The following NRXN3 variants were observed in gnomAD, a reference collection of about 807,000 sequenced individuals.
NRXN3 encodes neurexin III.
In NRXN3, 32 loss-of-function variants were observed where a neutral mutation model predicts 137.6. That is an observed-to-expected ratio of 0.23 (90% CI 0.18 to 0.31). The LOEUF is 0.31. Among genes scored for constraint, NRXN3 ranks in the 10% least tolerant of loss-of-function variants. The probability of loss-of-function intolerance (pLI) is 1.00; values close to 1 mark genes in which losing one functional copy is unlikely to be tolerated. For missense variants in NRXN3, 1,574 were observed against 2,062.5 expected, an observed-to-expected ratio of 0.76 and a Z score of 4.59; for synonymous variants, 798 against 784.5, an observed-to-expected ratio of 1.02 and a Z score of -0.29.
intron 15 of NRXN3, among the ~76,000 whole-genome samples, chr14:79,323,976 A>G (rs1232508850): frequency 6.6e-6 from 1 of 152,242 alleles, no homozygotes; most frequent in East Asian, 1.9e-4. Context: ...GTAAATACCT[A>G]TATTATTTCT....
At chr14:79,125,275 C>T (rs1265694060) in intron 15 of NRXN3, among the ~76,000 whole-genome samples, 1 of 152,146 alleles carries the variant, frequency 6.6e-6, no homozygotes, top group African/African-American at 2.4e-5. Context: ...TTTCTTAGCA[C>T]TTATTAGTGT....
At chr14:79,696,224 T>C (rs1453181213) in intron 18 of NRXN3, among the ~76,000 whole-genome samples, 1 of 152,022 alleles carries the variant, frequency 6.6e-6, no homozygotes, top group African/African-American at 2.4e-5. Context: ...GGTAGATTTT[T>C]AAAGCCCAAA....
rs79123726 is a variant in NRXN3 at position 79,413,332 on chromosome 14, G to A, written c.3263-53889G>A. 9.1e-3 allele frequency among the ~76,000 whole-genome samples: 1,387 copies of A among 152,162 alleles called. 34 individuals carry two copies. The East Asian group carries it at 0.099, about 11-fold the overall frequency. ...TGGAGGCTGCACAAGTAAATTACAT[G>A]GTTTTAGAAGCACCTCCTCCTTCCA... On this transcript the variant is annotated intron_variant, in intron 15 of 20. Transcript: ENST00000335750.
At chr14:79,051,479 C>A (rs1397869833) in intron 15 of NRXN3, among the ~76,000 whole-genome samples, 1 of 152,138 alleles carries the variant, frequency 6.6e-6, no homozygotes, top group African/African-American at 2.4e-5. Flanking sequence ...GGGACTGCGG[C>A]AATGTTGTAA....
intron 4 of NRXN3, among the ~76,000 whole-genome samples, chr14:78,308,816 C>G (rs577585385): frequency 2.6e-4 from 39 of 152,200 alleles, no homozygotes; most frequent in African/African-American, 8.9e-4. Context: ...AGAAAAGTCT[C>G]TCAACCCATT....
At chr14:79,857,261 G>T (rs1014916135) in intron 20 of NRXN3, among the ~76,000 whole-genome samples, 1 of 151,926 alleles carries the variant, frequency 6.6e-6, no homozygotes, top group South Asian at 2.1e-4. Context: ...TCGCTCTGTC[G>T]CCCAGGCTGG....
At chr14:78,914,302 A>G (rs1176169989) in intron 10 of NRXN3, among the ~76,000 whole-genome samples, 1 of 152,228 alleles carries the variant, frequency 6.6e-6, no homozygotes, top group Non-Finnish European at 1.5e-5. Context: ...CTGAGGGTAT[A>G]ACTATGAACA....
chr14:79,448,241 G>T (rs1343903713), intron 15 of NRXN3, among the ~76,000 whole-genome samples: 2 of 152,072 alleles, frequency 1.3e-5, no homozygotes, highest in Admixed American at 6.6e-5. Context: ...GAAGACATGG[G>T]GCATTCTCCC....
rs1259074052 is a variant in NRXN3, at chr14:79,599,982, G to A, written c.3445-63796G>A. On this transcript the variant is annotated intron_variant, in intron 16 of 20. Coordinates refer to ENST00000335750, the MANE Select transcript of NRXN3 (RefSeq NM_001330195.2). ...TGCACTCCAGCCTAGGCAACAGAGTGAGAATCTGTCTCAAAAAATTAAATA... is the reference window on the plus strand; with the variant it reads ...TGCACTCCAGCCTAGGCAACAGAGTAAGAATCTGTCTCAAAAAATTAAATA... Among the ~76,000 whole-genome samples, 4 of 152,200 alleles carry A rather than the reference G, an allele frequency of 2.6e-5. No individual in the cohort carries two copies. The East Asian group carries it at 5.8e-4, about 22-fold the overall frequency.
chr14:79,183,505 G>C (rs1745167556), intron 15 of NRXN3, among the ~76,000 whole-genome samples: 1 of 152,182 alleles, frequency 6.6e-6, no homozygotes, highest in Admixed American at 6.5e-5. Flanking sequence ...CAAATGCTCA[G>C]TAAACATGAG....
chr14:78,721,343 T>G (rs1201064824), intron 8 of NRXN3, among the ~76,000 whole-genome samples: 1 of 152,206 alleles, frequency 6.6e-6, no homozygotes, highest in African/African-American at 2.4e-5. Flanking sequence ...TTTAAATGTC[T>G]GACCTGGAGA....
intron 4 of NRXN3, among the ~76,000 whole-genome samples, chr14:78,441,816 G>A (rs1045370259): frequency 6.6e-6 from 1 of 152,188 alleles, no homozygotes; most frequent in African/African-American, 2.4e-5. Flanking sequence ...GAAATACATA[G>A]CTGGGTGCAG....
intron 15 of NRXN3, among the ~76,000 whole-genome samples, chr14:79,210,892 A>G (rs373864249): frequency 3.0e-4 from 46 of 152,160 alleles, no homozygotes; most frequent in African/African-American, 1.1e-3. Flanking sequence ...GCTTAGAGAA[A>G]CACAGGGCTC....
chr14:79,190,730 T>C (rs2064178872), intron 15 of NRXN3, among the ~76,000 whole-genome samples: 1 of 152,144 alleles, frequency 6.6e-6, no homozygotes, highest in African/African-American at 2.4e-5. Flanking sequence ...AATCTCTTGG[T>C]GGAGATGCAT....
chr14:78,558,887 A>C (rs2096762462), intron 4 of NRXN3, among the ~76,000 whole-genome samples: 1 of 152,236 alleles, frequency 6.6e-6, no homozygotes, highest in South Asian at 2.1e-4. Context: ...CCTCATGGAC[A>C]TGGCTAATAA....
At chr14:78,883,736 A>G (rs1418376295) in intron 10 of NRXN3, among the ~76,000 whole-genome samples, 2 of 152,200 alleles carry the variant, frequency 1.3e-5, no homozygotes, top group Non-Finnish European at 2.9e-5. Flanking sequence ...GCCTTGCCTA[A>G]GATCACATAC....
chr14:79,724,443 G>A (rs1275848638), intron 19 of NRXN3, among the ~76,000 whole-genome samples: 1 of 152,010 alleles, frequency 6.6e-6, no homozygotes, highest in Non-Finnish European at 1.5e-5. Flanking sequence ...TTCTCTCCCT[G>A]CCCCACATAC....
intron 16 of NRXN3, among the ~76,000 whole-genome samples, chr14:79,534,315 A>G (rs920028865): frequency 1.2e-4 from 19 of 152,228 alleles, no homozygotes; most frequent in African/African-American, 4.1e-4. Context: ...ATAAAGAGCT[A>G]TCTCTTGTTC....
intron 10 of NRXN3, among the ~76,000 whole-genome samples, chr14:78,828,942 A>C (rs1458205065): frequency 6.6e-6 from 1 of 152,186 alleles, no homozygotes; most frequent in Non-Finnish European, 1.5e-5. Flanking sequence ...CTGCCCTGGA[A>C]GCTTTTCTGA....
Sources: allele counts gnomAD v4.1 joint callset (sites outside exome capture counted in the v4.1 genomes callset), GRCh38; gene constraint gnomAD v4.1.1; transcripts MANE v1.5; gene names NCBI Gene and HGNC (gene_info 2026-07-23, HGNC 2026-07-21).